Variants in REELD1 observed in about 807,000 individuals in gnomAD.
REELD1 encodes reelin domain-containing protein 1.
REELD1 carries 12 observed loss-of-function variants against 6.3 expected under a neutral mutation model. That is an observed-to-expected ratio of 1.89 (90% confidence interval 1.21 to 3.07). The LOEUF (loss-of-function observed/expected upper bound fraction) is 3.07. Ranked by LOEUF, REELD1 falls within the 30% of genes most tolerant of loss-of-function variation. REELD1 has a pLI of 0.00. For synonymous variants in REELD1, 57 were observed against 33.6 expected (o/e 1.70, Z -2.42); for missense variants, 163 against 86.8 (o/e 1.88, Z -3.49).
chr4:146,220,432 A>G (rs1730902829), intron 3 of REELD1, among the ~76,000 whole-genome samples: 1 of 152,148 alleles, frequency 6.6e-6, no homozygotes. Flanking sequence ...TCCAAGTATC[A>G]GAAAAACTGA....
At chr4:146,227,756 G>A (rs934671755) in intron 5 of REELD1, among the ~76,000 whole-genome samples, 5 of 152,166 alleles carry the variant, frequency 3.3e-5, no homozygotes, top group African/African-American at 7.2e-5. Flanking sequence ...CAGTGATCTC[G>A]TCTCTTCTCA....
chr4:146,227,535 T>C (rs958880671), intron 5 of REELD1, among the ~76,000 whole-genome samples: 3 of 152,224 alleles, frequency 2.0e-5, no homozygotes, highest in Non-Finnish European at 4.4e-5. Flanking sequence ...AGCAATCCTA[T>C]GCTGGCCTCA....
chr4:146,223,124 G>T (rs1276975407), intron 4 of REELD1, among the ~76,000 whole-genome samples: 1 of 152,226 alleles, frequency 6.6e-6, no homozygotes, highest in Non-Finnish European at 1.5e-5. Flanking sequence ...TACTCAAAAT[G>T]AGGTACTTGT....
Position 146,224,625 on chromosome 4 carries a change from T to C in REELD1, c.595+17T>C, listed in dbSNP as rs775640914. On this transcript the variant is annotated intron_variant, in intron 5 of 7. Coordinates refer to ENST00000623665, the MANE Select transcript of REELD1 (RefSeq NM_001354631.1). ...CTGCTCCAGGTACAGCTTGTCATTG[T>C]ATTTGCCAGGCTGGTTGTCATCATT... 4.1e-5 allele frequency: 29 copies of C among 701,548 alleles called. No individual in the cohort carries two copies. In the South Asian group the frequency reaches 4.2e-4, roughly 10 times the overall value. The allele number at this position is 701,548 out of a possible 1,614,324, so 43.5% of individuals were successfully genotyped here.
At chr4:146,221,355 G>A (rs1293214734) in intron 3 of REELD1, among the ~76,000 whole-genome samples, 1 of 152,166 alleles carries the variant, frequency 6.6e-6, no homozygotes, top group East Asian at 1.9e-4. Context: ...TAACTGATAA[G>A]GTAGCATGTA....
chr4:146,225,996 C>T (rs373666623), intron 5 of REELD1, among the ~76,000 whole-genome samples: 4 of 152,082 alleles, frequency 2.6e-5, no homozygotes, highest in Admixed American at 2.6e-4. Context: ...TATGTGCATG[C>T]GTGTGTGCAT....
chr4:146,221,857 CAAA>C (rs542562590), intron 3 of REELD1, among the ~76,000 whole-genome samples: 10 of 141,768 alleles, frequency 7.1e-5, no homozygotes, highest in African/African-American at 2.6e-4. Context: ...GACTCTGTCT[CAAA>C]AAAAAAAAAT....
At chr4:146,226,161 T>C (rs1486208925) in intron 5 of REELD1, among the ~76,000 whole-genome samples, 5 of 152,188 alleles carry the variant, frequency 3.3e-5, no homozygotes. Flanking sequence ...GAAATTAGTA[T>C]ATTGTATATC....
At chr4:146,214,751 G>C (rs146037778) in intron 1 of REELD1, 57 bp downstream of exon 1, 1 of 152,278 alleles carries the variant, frequency 6.6e-6, no homozygotes, top group African/African-American at 2.4e-5. Context: ...CCTGTGATGC[G>C]CAGGCTGGTT....
In REELD1 at chr4:146,222,456, A is replaced by G; in HGVS notation, c.308A>G (p.His103Arg). 1 of 398,528 alleles carries G rather than the reference A, an allele frequency of 2.5e-6. No individual in the cohort carries two copies. The highest frequency in any genetic ancestry group is 4.4e-6 in the Non-Finnish European group (1 of 226,052). The allele number at this position is 398,528 out of a possible 1,614,324, so 24.7% of individuals were successfully genotyped here. A position where few individuals can be genotyped will look rare whatever the true frequency, so the allele number is the denominator to read the frequency against. The stretch of plus-strand genomic sequence containing the variant: ...GGCACTTTCGTTCTCATTCCTCCTC[A>G]TTCCAAACTGATGACTTGTTTTCAA... Reference protein sequence around the residue: ...IAGTFVLIPPHSKLMTCFQEA... With the variant: ...IAGTFVLIPPRSKLMTCFQEA... The change falls in exon 4 of 8, where the codon CAT becomes CGT. Residue 103 changes from histidine (H) to arginine (R), a missense_variant. Physicochemically the swap from His to Arg is conservative, Grantham distance 29. Coordinates refer to ENST00000623665, the MANE Select transcript of REELD1 (RefSeq NM_001354631.1).
chr4:146,229,215 T>C, intron 7 of REELD1, 127 bp downstream of exon 7: 1 of 616,890 alleles, frequency 1.6e-6, no homozygotes, highest in South Asian at 2.0e-5. Flanking sequence ...CAAAGTACAA[T>C]ATACACACAG....
In REELD1 at chr4:146,231,874, C is replaced by T. The variant is rs2110929885; in HGVS notation, c.*1361C>T. The T allele has an allele frequency of 6.6e-6, 1 of 152,330 alleles. No individual in the cohort carries two copies. The highest frequency in any genetic ancestry group is 1.9e-4 in the East Asian group (1 of 5,184). 9.4% of individuals were successfully genotyped at this position (152,330 alleles called of 1,614,324 possible). A position where few individuals can be genotyped will look rare whatever the true frequency, so the allele number is the denominator to read the frequency against. ...TCATCAATTCCAAGACTCTCTCCTC[C>T]TGGATTCTGGGCTAGGTAGCTCTGT... On this transcript the variant is annotated 3_prime_UTR_variant, in exon 8 of 8. Coordinates refer to ENST00000623665, the MANE Select transcript of REELD1 (RefSeq NM_001354631.1).
intron 2 of REELD1, among the ~76,000 whole-genome samples, chr4:146,216,039 C>T (rs1398326079): frequency 6.6e-6 from 1 of 152,206 alleles, no homozygotes. Flanking sequence ...GCGTGAGCCA[C>T]CGCACCTGGC....
chr4:146,218,968 G>T (rs1290917954), intron 3 of REELD1, among the ~76,000 whole-genome samples: 1 of 152,090 alleles, frequency 6.6e-6, no homozygotes, highest in African/African-American at 2.4e-5. Context: ...GGGCAACATG[G>T]CAAAACCCTG....
At chr4:146,225,118 G>A (rs1688780228) in intron 5 of REELD1, among the ~76,000 whole-genome samples, 1 of 152,128 alleles carries the variant, frequency 6.6e-6, no homozygotes, top group Non-Finnish European at 1.5e-5. Flanking sequence ...CTGTTTCAAT[G>A]GGAAGGGATT....
intron 5 of REELD1, among the ~76,000 whole-genome samples, chr4:146,227,499 C>T (rs1378291142): frequency 6.6e-6 from 1 of 152,222 alleles, no homozygotes; most frequent in East Asian, 1.9e-4. Flanking sequence ...CACGCTTCCA[C>T]CTCAATGAGT....
In REELD1 at chr4:146,231,225, G is replaced by A. The variant is rs573781283; in HGVS notation, c.*712G>A. ...GTGGGGTAAGAAAGCCTTTTCATCA[G>A]GTGTAAATGGATCTGAGACCTCCCA... On this transcript the variant is annotated 3_prime_UTR_variant, in exon 8 of 8. Coordinates refer to ENST00000623665, the MANE Select transcript of REELD1 (RefSeq NM_001354631.1). Among the ~76,000 whole-genome samples the A allele has an allele frequency of 6.6e-6, 1 of 152,274 alleles. No individual in the cohort carries two copies. The highest frequency in any genetic ancestry group is 2.4e-5 in the African/African-American group (1 of 41,552).
chr4:146,220,954 G>T (rs937541312), intron 3 of REELD1, among the ~76,000 whole-genome samples: 8 of 152,186 alleles, frequency 5.3e-5, no homozygotes, highest in African/African-American at 1.9e-4. Flanking sequence ...ATCAGTGTTT[G>T]CCATATTTAT....
intron 3 of REELD1, among the ~76,000 whole-genome samples, chr4:146,218,889 C>T (rs1259480324): frequency 2.0e-5 from 3 of 152,188 alleles, no homozygotes; most frequent in Non-Finnish European, 4.4e-5. Context: ...TGGCTCATGC[C>T]TGTAATCCCA....
Sources: allele counts gnomAD v4.1 joint callset (sites outside exome capture counted in the v4.1 genomes callset), GRCh38; gene constraint gnomAD v4.1.1; transcripts MANE v1.5; gene names NCBI Gene and HGNC (gene_info 2026-07-23, HGNC 2026-07-21).